FGF9: variants seen among roughly 807,000 people sequenced by gnomAD.
FGF9 encodes the protein fibroblast growth factor 9 (glia-activating factor).
Under a neutral mutation model 19.9 loss-of-function variants are expected in FGF9, and 3 were observed. The ratio of observed to expected loss-of-function variants is 0.15; its 90% CI spans 0.07 to 0.39. The LOEUF (loss-of-function observed/expected upper bound fraction) is 0.39. Among genes scored for constraint, FGF9 ranks in the 10% least tolerant of loss-of-function variants. The probability of loss-of-function intolerance (pLI) is 1.00; values close to 1 mark genes in which losing one functional copy is unlikely to be tolerated. For missense variants in FGF9, 175 were observed against 256.8 expected, an observed-to-expected ratio of 0.68 and a Z score of 2.18; for synonymous variants, 107 against 106.9, an observed-to-expected ratio of 1.00 and a Z score of -0.01.
intron 2 of FGF9, among the ~76,000 whole-genome samples, chr13:21,699,630 G>T (rs543694344): frequency 3.9e-5 from 6 of 152,178 alleles, no homozygotes; most frequent in African/African-American, 1.4e-4. Context: ...TGGGGATGAT[G>T]GATTCTACCC....
Position 21,671,763 on chromosome 13 carries a change from C to A in FGF9, c.-150C>A, listed in dbSNP as rs563478147. On this transcript the variant is annotated 5_prime_UTR_variant, in exon 1 of 3. Transcript: ENST00000382353. ...AAACAGCAGATTACTTTTATTTATG[C>A]ATTTAATGGATTGAAGAAAAGAACC... 2 of 840,550 alleles carry A rather than the reference C, an allele frequency of 2.4e-6. No individual in the cohort carries two copies. Among genetic ancestry groups the A allele is most frequent in the East Asian group, 2.5e-5 (1 of 39,578 alleles). The allele number at this position is 840,550 out of a possible 1,614,324, so 52.1% of individuals were successfully genotyped here.
rs1872604148 is a variant in FGF9, at chr13:21,704,209, A to G, written c.*2774A>G. ...CCAAACCACTGTCTTGTTGGTGCCA[A>G]CACTTGCACTGTGGTCAAAGACTTA... is the stretch of plus-strand genomic sequence containing the variant. On this transcript the variant is annotated 3_prime_UTR_variant, in exon 3 of 3. Transcript: ENST00000382353. 6.6e-6 allele frequency: 1 copy of G among 152,192 alleles called. No individual in the cohort carries two copies. The highest frequency in any genetic ancestry group is 6.5e-5 in the Admixed American group (1 of 15,278). The allele number at this position is 152,192 out of a possible 1,614,324, so 9.4% of individuals were successfully genotyped here.
chr13:21,673,416 G>A (rs980290663), intron 1 of FGF9, among the ~76,000 whole-genome samples: 3 of 152,144 alleles, frequency 2.0e-5, no homozygotes, highest in African/African-American at 7.2e-5. Context: ...CCCAGGATTT[G>A]CTCCTCATGC....
At chr13:21,689,950 A>T (rs1872248424) in intron 2 of FGF9, among the ~76,000 whole-genome samples, 1 of 151,600 alleles carries the variant, frequency 6.6e-6, no homozygotes, top group Non-Finnish European at 1.5e-5. Context: ...CCTTCCTCTC[A>T]CCTCTCCCAC....
chr13:21,675,187 C>G (rs1021003423), intron 1 of FGF9, among the ~76,000 whole-genome samples: 1 of 151,810 alleles, frequency 6.6e-6, no homozygotes, highest in Non-Finnish European at 1.5e-5. Context: ...CTGTGCCACT[C>G]ACTCTGGCTG....
At chr13:21,680,055 G>T (rs946920380) in intron 1 of FGF9, among the ~76,000 whole-genome samples, 2 of 151,660 alleles carry the variant, frequency 1.3e-5, no homozygotes, top group African/African-American at 2.4e-5. Context: ...AACTGCTGTT[G>T]TGTGGCCATA....
Position 21,671,310 on chromosome 13 carries a change from A to T in FGF9, c.-603A>T, listed in dbSNP as rs1207800291. The stretch of plus-strand genomic sequence containing the variant: ...TAAAGTTTCTTCTTCTTTTTGTTTT[A>T]TTATTATTATCATTTTTTGGAGGGG... On this transcript the variant is annotated 5_prime_UTR_variant, in exon 1 of 3. Coordinates refer to ENST00000382353, the MANE Select transcript of FGF9 (RefSeq NM_002010.3). 2.8e-6 allele frequency: 1 copy of T among 360,644 alleles called. No homozygotes were observed. 22.3% of individuals were successfully genotyped at this position (360,644 alleles called of 1,614,324 possible).
chr13:21,687,256 C>T (rs190976955), intron 2 of FGF9, among the ~76,000 whole-genome samples: 106 of 152,256 alleles, frequency 7.0e-4, no homozygotes, highest in Middle Eastern at 3.4e-3. Context: ...GTGGCAGGAG[C>T]CCTGTAGGTC....
In FGF9 at chr13:21,672,941, C is replaced by G. The variant is rs1871803802; in HGVS notation, c.277+752C>G. ...GTGTGAGTGTGTGCGCGCGTGCAAA[C>G]GCTGCGAGCGAATTTTAAAGGGCAT... On this transcript the variant is annotated intron_variant, in intron 1 of 2. Transcript: ENST00000382353. This position sits in a 1 kb window ranked among gnomAD's most constrained non-coding sequence, Gnocchi z 4.2. 6.6e-6 allele frequency among the ~76,000 whole-genome samples: 1 copy of G among 152,170 alleles called. No homozygotes were observed. The highest frequency in any genetic ancestry group is 6.5e-5 in the Admixed American group (1 of 15,274).
chr13:21,684,980 G>A (rs969678142), intron 2 of FGF9, among the ~76,000 whole-genome samples: 3 of 152,192 alleles, frequency 2.0e-5, no homozygotes, highest in Non-Finnish European at 2.9e-5. Context: ...TTCCTCAGGG[G>A]CTGGAATCTC....
chr13:21,675,989 A>G (rs1453348977), intron 1 of FGF9, among the ~76,000 whole-genome samples: 1 of 150,984 alleles, frequency 6.6e-6, no homozygotes, highest in Non-Finnish European at 1.5e-5. Flanking sequence ...GAGAAAAGGA[A>G]CTCGCAATTG....
intron 1 of FGF9, among the ~76,000 whole-genome samples, chr13:21,674,993 G>C (rs1201960801): frequency 7.0e-6 from 1 of 143,456 alleles, no homozygotes; most frequent in Non-Finnish European, 1.5e-5. Context: ...AGACGCTCTC[G>C]GTACAGTGTT....
chr13:21,703,921 C>T lies in FGF9; in HGVS notation c.*2486C>T, dbSNP rs1223478342. The T allele has an allele frequency of 6.7e-6, 1 of 149,964 alleles. No homozygotes were observed. Among genetic ancestry groups the T allele is most frequent in the East Asian group, 1.9e-4 (1 of 5,172 alleles). 9.3% of individuals were successfully genotyped at this position (149,964 alleles called of 1,614,324 possible). ...TTTAAGACGAGCAAATTGTTATATG[C>T]TTTTGGCAATTGATACAATAAACTG... On this transcript the variant is annotated 3_prime_UTR_variant, in exon 3 of 3. Transcript: ENST00000382353.
chr13:21,671,731 G>A lies in FGF9; in HGVS notation c.-182G>A. The stretch of plus-strand genomic sequence containing the variant: ...ATCAGTGGTTTGACCTTGAACCTGT[G>A]CCAGTGAAACAGCAGATTACTTTTA... On this transcript the variant is annotated 5_prime_UTR_variant, in exon 1 of 3. Transcript: ENST00000382353. 3 of 679,712 alleles carry A rather than the reference G, an allele frequency of 4.4e-6. No homozygotes were observed. The highest frequency in any genetic ancestry group is 5.0e-6 in the Non-Finnish European group (2 of 396,346). 42.1% of individuals were successfully genotyped at this position (679,712 alleles called of 1,614,324 possible). A position where few individuals can be genotyped will look rare whatever the true frequency, so the allele number is the denominator to read the frequency against.
rs1871750512 is a variant in FGF9, at chr13:21,671,092, G to C, written c.-821G>C. Among the ~76,000 whole-genome samples, 1 of 152,124 alleles carries C rather than the reference G, an allele frequency of 6.6e-6. No homozygotes were observed. The highest frequency in any genetic ancestry group is 1.5e-5 in the Non-Finnish European group (1 of 67,996). On this transcript the variant is annotated 5_prime_UTR_variant, in exon 1 of 3. Transcript: ENST00000382353. ...GCCTGCGCCACTCTGCGCGCCGGCG[G>C]GGGCTGCGCAGGAGGAGCGCTCCGC...
At chr13:21,699,405 T>C (rs1284006542) in intron 2 of FGF9, among the ~76,000 whole-genome samples, 2 of 152,220 alleles carry the variant, frequency 1.3e-5, no homozygotes, top group African/African-American at 2.4e-5. Flanking sequence ...TCCAGTGAGA[T>C]AGTATTTTGC....
At position 21,701,306 on chromosome 13, in the gene FGF9, A is replaced by C; in HGVS notation, c.498A>C (p.Leu166Phe). 1 of 1,614,196 alleles carries C rather than the reference A, an allele frequency of 6.2e-7. No homozygotes were observed. The highest frequency in any genetic ancestry group is 8.5e-7 in the Non-Finnish European group (1 of 1,180,018). Reference sequence around the variant, plus strand: ...CTGGAAGGCGATACTATGTTGCATTAAATAAAGATGGGACCCCGAGAGAAG... The same window carrying C: ...CTGGAAGGCGATACTATGTTGCATTCAATAAAGATGGGACCCCGAGAGAAG... ...VDTGRRYYVALNKDGTPREGT... is the reference protein window; with the variant it reads ...VDTGRRYYVAFNKDGTPREGT... The change falls in exon 3 of 3, where the codon TTA becomes TTC. Residue 166 changes from leucine to phenylalanine, a missense_variant. By Grantham distance (22) the Leu-to-Phe change is conservative (BLOSUM62 0). Coordinates refer to ENST00000382353, the MANE Select transcript of FGF9 (RefSeq NM_002010.3).
intron 2 of FGF9, among the ~76,000 whole-genome samples, chr13:21,696,597 T>G (rs1415164899): frequency 6.6e-6 from 1 of 152,324 alleles, no homozygotes; most frequent in Non-Finnish European, 1.5e-5. Flanking sequence ...GTGTATAGTT[T>G]ATTTGAAGGC....
In FGF9 at chr13:21,672,229, A is replaced by G. The variant is rs763846240; in HGVS notation, c.277+40A>G. 2 of 1,612,260 alleles carry G rather than the reference A, an allele frequency of 1.2e-6. No individual in the cohort carries two copies. Among genetic ancestry groups the G allele is most frequent in the South Asian group, 2.2e-5 (2 of 90,820 alleles). Reference sequence around the variant, plus strand: ...AACCCTTTAGTGTCCATGAGATGACATGTTGAAATTATAACTACCAAGAAG... The same window carrying G: ...AACCCTTTAGTGTCCATGAGATGACGTGTTGAAATTATAACTACCAAGAAG... On this transcript the variant is annotated intron_variant, in intron 1 of 2. Coordinates refer to ENST00000382353, the MANE Select transcript of FGF9 (RefSeq NM_002010.3). The surrounding 1 kb of genome is among the most constrained non-coding windows in gnomAD (Gnocchi z 4.2).
Sources: allele counts gnomAD v4.1 joint callset (sites outside exome capture counted in the v4.1 genomes callset), GRCh38; gene constraint gnomAD v4.1.1; non-coding constraint Gnocchi (gnomAD v3.1); transcripts MANE v1.5; gene names NCBI Gene and HGNC (gene_info 2026-07-23, HGNC 2026-07-21).